Variants in RBFOX1 observed in about 807,000 individuals in gnomAD.
RBFOX1 encodes the protein RNA binding fox-1 homolog 1, also known as RNA binding protein fox-1 homolog 1.
In RBFOX1, 8 loss-of-function variants were observed where a neutral mutation model predicts 57.7. The ratio of observed to expected loss-of-function variants is 0.14; its 90% CI spans 0.08 to 0.25. The LOEUF (loss-of-function observed/expected upper bound fraction) is 0.25, where lower values mean the gene tolerates loss of function less well. RBFOX1 is among the 10% of genes least tolerant of loss of function. The pLI is 1.00. For synonymous variants in RBFOX1, 326 were observed against 222.4 expected, an observed-to-expected ratio of 1.47 and a Z score of -4.15; for missense variants, 611 against 548.5, an observed-to-expected ratio of 1.11 and a Z score of -1.14.
At chr16:5,923,358 A>G (rs991246985) in intron 4 of RBFOX1, among the ~76,000 whole-genome samples, 2 of 152,062 alleles carry the variant, frequency 1.3e-5, no homozygotes, top group African/African-American at 4.8e-5. Flanking sequence ...AAGGGGCCTC[A>G]CTGAGTCAGA....
chr16:6,863,634 G>A (rs1456110090), intron 3 of RBFOX1, among the ~76,000 whole-genome samples: 1 of 138,398 alleles, frequency 7.2e-6, no homozygotes, highest in Non-Finnish European at 1.5e-5. Context: ...AGAGAGAATG[G>A]CATCAAAATA....
chr16:7,289,330 G>A (rs1233452575), intron 4 of RBFOX1, among the ~76,000 whole-genome samples: 1 of 151,316 alleles, frequency 6.6e-6, no homozygotes, highest in South Asian at 2.1e-4. Flanking sequence ...TCCCACAAAG[G>A]TCAATGTACA....
At chr16:6,653,093 C>G (rs1316222996) in intron 2 of RBFOX1, among the ~76,000 whole-genome samples, 1 of 152,220 alleles carries the variant, frequency 6.6e-6, no homozygotes, top group South Asian at 2.1e-4. Context: ...TTTGAACTTG[C>G]TCTTCGTTTG....
At chr16:7,024,092 T>C (rs554619362) in intron 3 of RBFOX1, among the ~76,000 whole-genome samples, 1 of 152,334 alleles carries the variant, frequency 6.6e-6, no homozygotes, top group South Asian at 2.1e-4. Flanking sequence ...TGGCTTGGCT[T>C]ACTAAGAATA....
rs1479571823 is a variant in RBFOX1, at chr16:5,956,674, A to ATTTTTTTTTT, written c.351+89340_351+89341insTTTTTTTTTT. Among the ~76,000 whole-genome samples, 24 of 89,208 alleles carry ATTTTTTTTTT rather than the reference A, an allele frequency of 2.7e-4. No homozygotes were observed. The East Asian group carries it at 2.8e-3, about 10-fold the overall frequency. 58.5% of individuals were successfully genotyped at this position (89,208 alleles called of 152,430 possible). A position where few individuals can be genotyped will look rare whatever the true frequency, so the allele number is the denominator to read the frequency against. On this transcript the variant is annotated intron_variant, in intron 4 of 19. Coordinates refer to the RBFOX1 transcript ENST00000641259. ...TATATATATTTATATATATATATAT[A>ATTTTTTTTTT]TATATTTTTTTTGAGGCACAGTCTC...
intron 2 of RBFOX1, among the ~76,000 whole-genome samples, chr16:5,476,658 C>A (rs535593154): frequency 2.6e-5 from 4 of 152,328 alleles, no homozygotes; most frequent in Non-Finnish European, 4.4e-5. Context: ...TTGTTGAGGA[C>A]AAGATACATG....
At chr16:7,463,710 G>T (rs1210302399) in intron 4 of RBFOX1, among the ~76,000 whole-genome samples, 3 of 152,072 alleles carry the variant, frequency 2.0e-5, no homozygotes, top group African/African-American at 7.2e-5. Flanking sequence ...AGAGATTAGG[G>T]CATGGGAATA....
At chr16:6,073,968 A>G (rs1478775889) in intron 1 of RBFOX1, among the ~76,000 whole-genome samples, 1 of 152,016 alleles carries the variant, frequency 6.6e-6, no homozygotes, top group Non-Finnish European at 1.5e-5. Context: ...TCTTTTTCTG[A>G]GACAGAGTCT....
chr16:7,320,741 T>A lies in RBFOX1; in HGVS notation c.28-197406T>A, dbSNP rs2096530690. On this transcript the variant is annotated intron_variant, in intron 4 of 15. Transcript: ENST00000550418. The stretch of plus-strand genomic sequence containing the variant: ...ACAGATGTGATTGTAAGAAACACCA[T>A]GAATAAAGCTCAAACACTTACAAAT... Among the ~76,000 whole-genome samples, 6 of 152,226 alleles carry A rather than the reference T, an allele frequency of 3.9e-5. No homozygotes were observed. In the South Asian group the frequency reaches 1.2e-3, roughly 32 times the overall value.
At chr16:6,527,388 A>G (rs1390966490) in intron 2 of RBFOX1, among the ~76,000 whole-genome samples, 1 of 152,014 alleles carries the variant, frequency 6.6e-6, no homozygotes, top group Non-Finnish European at 1.5e-5. Flanking sequence ...TGATTTCTGT[A>G]CAGGCTACTT....
intron 5 of RBFOX1, among the ~76,000 whole-genome samples, chr16:7,559,718 A>C (rs929415590): frequency 3.1e-4 from 47 of 152,230 alleles, no homozygotes; most frequent in South Asian, 6.2e-4. Context: ...CAGAAGCCAG[A>C]GTAAGAACTT....
At chr16:5,600,306 TAAAAAA>T (rs201494923), downstream of RBFOX1, among the ~76,000 whole-genome samples, 5 of 143,772 alleles carry the variant, frequency 3.5e-5, no homozygotes, top group African/African-American at 1.0e-4. Flanking sequence ...CTCAAAAAAA[TAAAAAA>T]AAATAAAAAA....
chr16:6,334,507 C>CAAAAAAAAA (rs35514991), intron 2 of RBFOX1, among the ~76,000 whole-genome samples: 21 of 115,936 alleles, frequency 1.8e-4, no homozygotes, highest in African/African-American at 6.2e-4. Context: ...GATAGCATCT[C>CAAAAAAAAA]AAAAAAAAAA....
intron 2 of RBFOX1, among the ~76,000 whole-genome samples, chr16:6,637,467 T>C (rs554506757): frequency 1.0e-3 from 87 of 84,602 alleles, no homozygotes; most frequent in African/African-American, 3.5e-3. Context: ...ATATGTATTA[T>C]ATATTATATA....
intron 5 of RBFOX1, among the ~76,000 whole-genome samples, chr16:7,564,084 T>C (rs868256624): frequency 6.6e-6 from 1 of 152,098 alleles, no homozygotes; most frequent in Admixed American, 6.6e-5. Context: ...CCAGGTCATA[T>C]GTTGAAGCTG....
chr16:7,190,552 T>A (rs923163884), intron 4 of RBFOX1, among the ~76,000 whole-genome samples: 1 of 151,896 alleles, frequency 6.6e-6, no homozygotes, highest in Non-Finnish European at 1.5e-5. Context: ...GAGAGTGACC[T>A]AAGTTAGAAG....
intron 3 of RBFOX1, among the ~76,000 whole-genome samples, chr16:6,995,556 G>C (rs1596399343): frequency 6.6e-6 from 1 of 152,150 alleles, no homozygotes. Flanking sequence ...CCTTAGGTCA[G>C]GATCACCAGC....
chr16:6,832,703 C>T (rs945932760), intron 3 of RBFOX1, among the ~76,000 whole-genome samples: 5 of 152,184 alleles, frequency 3.3e-5, no homozygotes, highest in Non-Finnish European at 1.5e-5. Flanking sequence ...TCTCCACTTG[C>T]CCTTTTTCCA....
At chr16:6,479,328 A>G (rs1408515562) in intron 2 of RBFOX1, among the ~76,000 whole-genome samples, 2 of 152,206 alleles carry the variant, frequency 1.3e-5, no homozygotes, top group African/African-American at 2.4e-5. Context: ...GAACTGCCTT[A>G]TAAAACCATC....
Sources: gnomAD v4.1 joint callset for allele counts (sites outside exome capture counted in the v4.1 genomes callset) on GRCh38, gnomAD v4.1.1 for gene constraint, MANE v1.5 for transcripts, NCBI Gene and HGNC (gene_info 2026-07-23, HGNC 2026-07-21) for gene names.